The following NOM1 variants were observed in gnomAD, a reference collection of about 807,000 sequenced individuals.
NOM1 encodes nucleolar protein with MIF4G domain 1.
A neutral mutation model predicts 73.3 loss-of-function variants in NOM1; 58 were observed. The ratio of observed to expected loss-of-function variants is 0.79; its 90% CI spans 0.64 to 0.99. The LOEUF is 0.99. Among genes scored for constraint, NOM1 ranks in the 50% least tolerant of loss-of-function variants. NOM1 has a pLI of 0.00. For synonymous variants in NOM1, 487 were observed against 446.8 expected (o/e 1.09, Z -1.14); for missense variants, 1,226 against 1,131.9 (o/e 1.08, Z -1.19).
chr7:156,968,331 G>A (rs966308107), intron 9 of NOM1, among the ~76,000 whole-genome samples: 2 of 152,206 alleles, frequency 1.3e-5, no homozygotes, highest in East Asian at 1.9e-4. Context: ...GATGCCCCCC[G>A]CCCTGCCCCT....
At chr7:156,961,805 C>CG (rs1291854010) in intron 4 of NOM1, among the ~76,000 whole-genome samples, 7 of 151,024 alleles carry the variant, frequency 4.6e-5, no homozygotes, top group East Asian at 2.0e-4. Context: ...GAGCAGGTCG[C>CG]GGGGGGCCAG....
chr7:156,970,956 C>T lies in NOM1; in HGVS notation c.*1253C>T, dbSNP rs1805127631. On this transcript the variant is annotated 3_prime_UTR_variant, in exon 11 of 11. Coordinates refer to ENST00000275820, the MANE Select transcript of NOM1 (RefSeq NM_138400.2). ...TTTGACTGTTAATAGGTGCTACTTGCTTGCAAGGATTTGGAGATGTAAACA... is the reference window on the plus strand; with the variant it reads ...TTTGACTGTTAATAGGTGCTACTTGTTTGCAAGGATTTGGAGATGTAAACA... 1 of 152,134 alleles carries T rather than the reference C, an allele frequency of 6.6e-6. No homozygotes were observed. The highest frequency in any genetic ancestry group is 2.4e-5 in the African/African-American group (1 of 41,438). The allele number at this position is 152,134 out of a possible 1,614,324, so 9.4% of individuals were successfully genotyped here. A position where few individuals can be genotyped will look rare whatever the true frequency, so the allele number is the denominator to read the frequency against.
chr7:156,959,432 G>A (rs540859823), intron 3 of NOM1, among the ~76,000 whole-genome samples: 1 of 151,956 alleles, frequency 6.6e-6, no homozygotes, highest in Non-Finnish European at 1.5e-5. Flanking sequence ...AGTAGAAACG[G>A]GGTTTCACCG....
At chr7:156,955,307 C>T (rs895887845) in intron 3 of NOM1, among the ~76,000 whole-genome samples, 1 of 152,172 alleles carries the variant, frequency 6.6e-6, no homozygotes, top group African/African-American at 2.4e-5. Flanking sequence ...CAGTCAGTAT[C>T]CCAGTTCCCC....
rs564286190 is a variant in NOM1 at position 156,968,407 on chromosome 7, C to T, written c.2299-680C>T. ...TGCTTTTGTGGTCTCGCCGCGTCCTCGGGTCCGCAAGCGCCTGTGATGGTG... is the reference window on the plus strand; with the variant it reads ...TGCTTTTGTGGTCTCGCCGCGTCCTTGGGTCCGCAAGCGCCTGTGATGGTG... On this transcript the variant is annotated intron_variant, in intron 9 of 10. Coordinates refer to ENST00000275820, the MANE Select transcript of NOM1 (RefSeq NM_138400.2). Among the ~76,000 whole-genome samples the T allele has an allele frequency of 4.6e-5, 7 of 152,210 alleles. No homozygotes were observed. The East Asian group carries it at 1.4e-3, about 29-fold the overall frequency.
rs1805123876 is a variant in NOM1 at position 156,970,801 on chromosome 7, T to C, written c.*1098T>C. ...CCTGTGGATATGGCCTTATGTACAC[T>C]GTAATGCAGACAGGTGCTTTTCATC... is the stretch of plus-strand genomic sequence containing the variant. On this transcript the variant is annotated 3_prime_UTR_variant, in exon 11 of 11. Transcript: ENST00000275820. 6.6e-6 allele frequency: 1 copy of C among 152,250 alleles called. No homozygotes were observed. Among genetic ancestry groups the C allele is most frequent in the Non-Finnish European group, 1.5e-5 (1 of 68,052 alleles). The allele number at this position is 152,250 out of a possible 1,614,324, so 9.4% of individuals were successfully genotyped here.
chr7:156,968,402 G>A (rs150329181), intron 9 of NOM1, among the ~76,000 whole-genome samples: 27 of 152,050 alleles, frequency 1.8e-4, no homozygotes, highest in Admixed American at 1.7e-3. Flanking sequence ...GTCTCGCCGC[G>A]TCCTCGGGTC....
chr7:156,967,549 C>CG (rs901736484), intron 9 of NOM1, among the ~76,000 whole-genome samples: 10 of 152,056 alleles, frequency 6.6e-5, no homozygotes, highest in African/African-American at 1.9e-4. Context: ...TCTTCCCCCC[C>CG]CAAGATGGGA....
Position 156,950,662 on chromosome 7 carries a change from C to T in NOM1, c.925C>T (p.Arg309Cys), listed in dbSNP as rs578128103. 4.5e-6 allele frequency: 7 copies of T among 1,552,420 alleles called. No homozygotes were observed. The highest frequency in any genetic ancestry group is 4.9e-5 in the East Asian group (2 of 40,920). The change falls in exon 1 of 11, where the codon CGT becomes TGT. Residue 309 changes from arginine to cysteine, a missense_variant. Coordinates refer to ENST00000275820, the MANE Select transcript of NOM1 (RefSeq NM_138400.2). ...GGAGAAAAGGAGGGGGAAGAGAGTC[C>T]GTTTTGCAGAAGATGAAGAAAAGAG... ...AQEKRRGKRVRFAEDEEKSEN... is the reference protein window; with the variant it reads ...AQEKRRGKRVCFAEDEEKSEN...
chr7:156,958,683 T>C (rs887610), intron 3 of NOM1: 75,540 of 152,220 alleles, frequency 0.5, 19,142 homozygotes, highest in Middle Eastern at 0.66. Context: ...CAGTCCACAG[T>C]TACGGAATTC....
At chr7:156,969,476 A>G in intron 10 of NOM1, 53 bp from the exon 11 acceptor site, 1 of 1,504,004 alleles carries the variant, frequency 6.6e-7, no homozygotes, top group African/African-American at 1.4e-5. Context: ...CAGGATTGAG[A>G]TCTAGGAGAG....
chr7:156,962,802 G>T (rs1437270503), intron 5 of NOM1, among the ~76,000 whole-genome samples: 1 of 152,090 alleles, frequency 6.6e-6, no homozygotes, highest in Non-Finnish European at 1.5e-5. Context: ...AGCGTGTTTG[G>T]GGTGATGGAC....
Position 156,950,096 on chromosome 7 carries a change from G to C in NOM1, c.359G>C (p.Ser120Thr), listed in dbSNP as rs1804540414. ...LGGRSGAEEA[S>T]GHRQDTEERA... The stretch of plus-strand genomic sequence containing the variant: ...GGCCGAAGCGGAGCCGAAGAAGCCA[G>C]CGGTCACCGGCAGGACACGGAGGAG... Residue 120 changes from serine to threonine, a missense_variant, in exon 1 of 11, where the codon AGC becomes ACC. Ser to Thr is a moderately conservative substitution (Grantham distance 58). Transcript: ENST00000275820. 3 of 1,547,990 alleles carry C rather than the reference G, an allele frequency of 1.9e-6. No homozygotes were observed. In the African/African-American group the frequency reaches 4.1e-5, roughly 21 times the overall value.
In NOM1 at chr7:156,950,183, T is replaced by G; in HGVS notation, c.446T>G (p.Val149Gly). Residue 149 changes from valine to glycine, a missense_variant, in exon 1 of 11, where the codon GTC (valine) becomes GGC (glycine). Coordinates refer to ENST00000275820, the MANE Select transcript of NOM1 (RefSeq NM_138400.2). ...CCCAGGAAGCCGCGGCCGTCCCGGGTCAAGGCCAAGGCCACGGCCGCCACC... is the reference window on the plus strand; with the variant it reads ...CCCAGGAAGCCGCGGCCGTCCCGGGGCAAGGCCAAGGCCACGGCCGCCACC... ...SPPRKPRPSR[V>G]KAKATAATAK... is the part of the protein sequence containing the mutation. The G allele has an allele frequency of 6.2e-7, 1 of 1,606,122 alleles. No individual in the cohort carries two copies. The highest frequency in any genetic ancestry group is 8.5e-7 in the Non-Finnish European group (1 of 1,178,574).
intron 6 of NOM1, 182 bp from the exon 7 acceptor site, chr7:156,963,723 G>A: frequency 1.8e-6 from 1 of 549,832 alleles, no homozygotes; most frequent in South Asian, 3.0e-5. Flanking sequence ...TCCCCCAGCG[G>A]CTGTGGCTTC....
Position 156,963,184 on chromosome 7 carries a change from A to T in NOM1, c.1911+9A>T. 1 of 1,613,876 alleles carries T rather than the reference A, an allele frequency of 6.2e-7. No homozygotes were observed. Among genetic ancestry groups the T allele is most frequent in the East Asian group, 2.2e-5 (1 of 44,870 alleles). On this transcript the variant is annotated intron_variant, in intron 6 of 10. Coordinates refer to ENST00000275820, the MANE Select transcript of NOM1 (RefSeq NM_138400.2). Reference sequence around the variant, plus strand: ...AGCAGCTTGTGGGGACGGTAGGGACACCCATGCTCAAGGCTGCCAGGCAGA... The same window carrying T: ...AGCAGCTTGTGGGGACGGTAGGGACTCCCATGCTCAAGGCTGCCAGGCAGA...
chr7:156,961,850 C>T (rs569712108), intron 4 of NOM1, among the ~76,000 whole-genome samples: 1 of 152,116 alleles, frequency 6.6e-6, no homozygotes, highest in Non-Finnish European at 1.5e-5. Flanking sequence ...GCCGGGGTGG[C>T]CGAGTAGGTG....
chr7:156,967,170 G>A (rs965888448), intron 9 of NOM1, 78 bp downstream of exon 9: 2 of 1,485,390 alleles, frequency 1.3e-6, no homozygotes, highest in African/African-American at 2.8e-5. Flanking sequence ...ATCAGGTCCT[G>A]TTTTACCAGC....
At chr7:156,966,437 C>T (rs745406217) in intron 8 of NOM1, 35 bp downstream of exon 8, 18 of 1,611,720 alleles carry the variant, frequency 1.1e-5, no homozygotes, top group Non-Finnish European at 1.4e-5. Context: ...TACGTCCGCT[C>T]TACTATTTTT....
Sources: gnomAD v4.1 joint callset for allele counts (sites outside exome capture counted in the v4.1 genomes callset) on GRCh38, gnomAD v4.1.1 for gene constraint, MANE v1.5 for transcripts, NCBI Gene and HGNC (gene_info 2026-07-23, HGNC 2026-07-21) for gene names.